Variants in LGI1 observed in about 807,000 individuals in gnomAD.
LGI1 encodes the protein leucine rich glioma inactivated 1, also known as leucine-rich glioma-inactivated protein 1.
In LGI1, 11 loss-of-function variants were observed where a neutral mutation model predicts 57.7. The observed-to-expected ratio is 0.19, with a 90% confidence interval of 0.12 to 0.32. LGI1 has a LOEUF of 0.32. LGI1 is among the 10% of genes least tolerant of loss of function. The pLI is 1.00. For synonymous variants in LGI1, 222 were observed against 241.9 expected, an observed-to-expected ratio of 0.92 and a Z score of 0.76; for missense variants, 422 against 661.9, an observed-to-expected ratio of 0.64 and a Z score of 3.98.
chr10:93,770,795 A>G (rs2059728924), intron 2 of LGI1: 1 of 152,114 alleles, frequency 6.6e-6, no homozygotes, highest in Non-Finnish European at 1.5e-5. Context: ...CTTTTTTTTA[A>G]AAAAAACAAT....
At chr10:93,792,960 A>C (rs765953279) in intron 6 of LGI1, 48 bp downstream of exon 6, 1 of 1,561,966 alleles carries the variant, frequency 6.4e-7, no homozygotes, top group East Asian at 2.2e-5. Flanking sequence ...AATAAGGGCT[A>C]CCTTTTTTTT....
intron 4 of LGI1, among the ~76,000 whole-genome samples, chr10:93,788,029 G>C (rs2059904806): frequency 6.6e-6 from 1 of 152,052 alleles, no homozygotes; most frequent in Non-Finnish European, 1.5e-5. Flanking sequence ...CATGCCCACT[G>C]TCCTGTGACT....
chr10:93,763,664 G>A (rs758505014), intron 2 of LGI1: 1 of 151,992 alleles, frequency 6.6e-6, no homozygotes, highest in Non-Finnish European at 1.5e-5. Context: ...GAAGTGAGCC[G>A]AACTAAAAAA....
At chr10:93,767,152 G>A (rs1322021427) in intron 2 of LGI1, 1 of 152,178 alleles carries the variant, frequency 6.6e-6, no homozygotes, top group Non-Finnish European at 1.5e-5. Context: ...TTGAAAGAGT[G>A]GCCGCATTGC....
At chr10:93,783,625 G>A (rs1159878733) in intron 4 of LGI1, among the ~76,000 whole-genome samples, 3 of 152,166 alleles carry the variant, frequency 2.0e-5, no homozygotes, top group Non-Finnish European at 4.4e-5. Context: ...GGCACAGGGG[G>A]CCTCAAAGGA....
At chr10:93,771,602 GC>G (rs761957325) in intron 2 of LGI1, 17 of 152,116 alleles carry the variant, frequency 1.1e-4, no homozygotes, top group Non-Finnish European at 1.9e-4. Flanking sequence ...TACACCAAAA[GC>G]CCAGACTTCA....
At chr10:93,788,877 A>T (rs551465056) in intron 4 of LGI1, 2 of 151,398 alleles carry the variant, frequency 1.3e-5, no homozygotes, top group African/African-American at 4.9e-5. Flanking sequence ...GGCTAATGGT[A>T]TGGGCTCTTT....
chr10:93,766,979 T>C (rs1045733552), intron 2 of LGI1: 1 of 152,092 alleles, frequency 6.6e-6, no homozygotes, highest in African/African-American at 2.4e-5. Flanking sequence ...ACCACTTCTG[T>C]CTACTTCCTC....
Position 93,785,916 on chromosome 10 carries a change from G to C in LGI1, c.432-4183G>C, listed in dbSNP as rs2059891041. On this transcript the variant is annotated intron_variant, in intron 4 of 7. Transcript: ENST00000371418. The stretch of plus-strand genomic sequence containing the variant: ...TTTTTTAATGACTAAATGCTGAGGA[G>C]GCTTCAGGGAACGTCGCGTGACTTG... Among the ~76,000 whole-genome samples the C allele has an allele frequency of 4.4e-5, 2 of 45,870 alleles. 1 individual carries two copies. Among genetic ancestry groups the C allele is most frequent in the African/African-American group, 6.1e-5 (2 of 32,946 alleles). 30.1% of individuals were successfully genotyped at this position (45,870 alleles called of 152,430 possible). A position where few individuals can be genotyped will look rare whatever the true frequency, so the allele number is the denominator to read the frequency against.
At chr10:93,761,463 C>T (rs2059622597) in intron 2 of LGI1, among the ~76,000 whole-genome samples, 1 of 152,204 alleles carries the variant, frequency 6.6e-6, no homozygotes. Flanking sequence ...AGCAAATGTC[C>T]TATTTCCATC....
At chr10:93,785,107 T>A (rs534884535) in intron 4 of LGI1, among the ~76,000 whole-genome samples, 26 of 152,344 alleles carry the variant, frequency 1.7e-4, no homozygotes, top group South Asian at 6.2e-4. Context: ...TATGTGTGTG[T>A]GTGTATCAAT....
chr10:93,767,924 C>G (rs1438242928), intron 2 of LGI1: 1 of 152,158 alleles, frequency 6.6e-6, no homozygotes, highest in Non-Finnish European at 1.5e-5. Flanking sequence ...TTCTAAATGG[C>G]TAAACAAGCA....
chr10:93,787,424 A>G (rs1234342760), intron 4 of LGI1, among the ~76,000 whole-genome samples: 2 of 152,056 alleles, frequency 1.3e-5, no homozygotes, highest in Non-Finnish European at 2.9e-5. Flanking sequence ...CCATCTCACA[A>G]TTCTGGTGAA....
intron 7 of LGI1, among the ~76,000 whole-genome samples, chr10:93,793,604 T>C (rs2059954182): frequency 6.6e-6 from 1 of 152,230 alleles, no homozygotes; most frequent in Non-Finnish European, 1.5e-5. Flanking sequence ...TAGGGTCTAG[T>C]ATAATACATA....
chr10:93,793,510 A>G (rs2059953531), intron 7 of LGI1, among the ~76,000 whole-genome samples, 160 bp downstream of exon 7: 1 of 152,232 alleles, frequency 6.6e-6, no homozygotes, highest in Non-Finnish European at 1.5e-5. Context: ...TAATTTCCCC[A>G]CTTGTAAAAC....
At chr10:93,794,440 T>C (rs1005749038) in intron 7 of LGI1, 1 of 142,590 alleles carries the variant, frequency 7.0e-6, no homozygotes, top group African/African-American at 2.5e-5. Flanking sequence ...CTGGGGTCAA[T>C]GCAACCTCAG....
intron 2 of LGI1, chr10:93,765,273 A>G (rs2059662249): frequency 1.3e-5 from 2 of 152,334 alleles, no homozygotes; most frequent in South Asian, 4.1e-4. Context: ...CTTTTATTGC[A>G]TAAAATATTA....
chr10:93,792,769 G>A lies in LGI1; in HGVS notation c.530G>A (p.Cys177Tyr). 6.2e-7 allele frequency: 1 copy of A among 1,614,142 alleles called. No individual in the cohort carries two copies. Among genetic ancestry groups the A allele is most frequent in the South Asian group, 1.1e-5 (1 of 91,084 alleles). ...NVDLRGNSFNCDCKLKWLVEW... is the reference protein window; with the variant it reads ...NVDLRGNSFNYDCKLKWLVEW... ...GACCTGAGGGGTAATTCATTTAATT[G>A]TGACTGTAAACTGAAATGGCTAGTG... The change falls in exon 6 of 8, where the codon TGT (cysteine) becomes TAT (tyrosine). Residue 177 changes from cysteine (C) to tyrosine (Y), a missense_variant. Cys to Tyr is a radical substitution (Grantham distance 194). Coordinates refer to ENST00000371418, the MANE Select transcript of LGI1 (RefSeq NM_005097.4).
intron 4 of LGI1, among the ~76,000 whole-genome samples, chr10:93,786,775 G>T (rs964100092): frequency 6.6e-6 from 1 of 152,150 alleles, no homozygotes; most frequent in African/African-American, 2.4e-5. Flanking sequence ...TGTATTTTTC[G>T]CAGACAGAGG....
Sources: allele counts gnomAD v4.1 joint callset (sites outside exome capture counted in the v4.1 genomes callset), GRCh38; gene constraint gnomAD v4.1.1; transcripts MANE v1.5; gene names NCBI Gene and HGNC (gene_info 2026-07-23, HGNC 2026-07-21).